NELL1: variants seen among roughly 807,000 people sequenced by gnomAD.
NELL1 encodes protein kinase C-binding protein NELL1.
A neutral mutation model predicts 107.4 loss-of-function variants in NELL1; 76 were observed. That is an observed-to-expected ratio of 0.71 (90% CI 0.59 to 0.86). The LOEUF (loss-of-function observed/expected upper bound fraction) is 0.86. Among genes scored for constraint, NELL1 ranks in the 40% least tolerant of loss-of-function variants. NELL1 has a pLI of 0.00. For synonymous variants in NELL1, 353 were observed against 341.2 expected (o/e 1.03, Z -0.38); for missense variants, 1,024 against 1,005.5 (o/e 1.02, Z -0.25).
chr11:21,320,521 T>C (rs12576157), intron 14 of NELL1, among the ~76,000 whole-genome samples: 43,559 of 152,122 alleles, frequency 0.29, 7,302 homozygotes, highest in Non-Finnish European at 0.38. Context: ...CTTTCTTATA[T>C]GTTATCTTGT....
intron 13 of NELL1, among the ~76,000 whole-genome samples, chr11:21,125,650 G>A (rs1212044993): frequency 1.3e-5 from 2 of 152,164 alleles, no homozygotes; most frequent in Non-Finnish European, 2.9e-5. Flanking sequence ...GGTACTGGGA[G>A]AAAGGACATT....
At chr11:21,509,761 T>C (rs1590991318) in intron 15 of NELL1, among the ~76,000 whole-genome samples, 1 of 148,164 alleles carries the variant, frequency 6.7e-6, no homozygotes, top group Non-Finnish European at 1.5e-5. Flanking sequence ...TTAGTAATTA[T>C]TTATCTATTT....
intron 13 of NELL1, among the ~76,000 whole-genome samples, chr11:21,148,152 G>A (rs1348478452): frequency 6.6e-6 from 1 of 152,162 alleles, no homozygotes; most frequent in African/African-American, 2.4e-5. Flanking sequence ...CTGAAATACT[G>A]TTGTAAAGGG....
rs113508739 is a variant in NELL1, at chr11:21,251,476, T to C, written c.1549+22022T>C. Among the ~76,000 whole-genome samples the C allele has an allele frequency of 1.1e-3, 162 of 152,140 alleles. 2 individuals carry two copies. Among genetic ancestry groups the C allele is most frequent in the African/African-American group, 3.8e-3 (159 of 41,516 alleles). ...ACTAGCCTAACCCTCCTTAGTCAAA[T>C]ATAATCACATGAAGTTAGAGACAAT... On this transcript the variant is annotated intron_variant, in intron 14 of 19. Coordinates refer to ENST00000357134, the MANE Select transcript of NELL1 (RefSeq NM_006157.5).
At chr11:21,249,384 T>C (rs1858579221) in intron 14 of NELL1, among the ~76,000 whole-genome samples, 1 of 152,160 alleles carries the variant, frequency 6.6e-6, no homozygotes, top group African/African-American at 2.4e-5. Flanking sequence ...AGATATATTC[T>C]TGAAAGAAGG....
chr11:21,373,333 T>C (rs1034491012), intron 15 of NELL1, among the ~76,000 whole-genome samples: 4 of 152,124 alleles, frequency 2.6e-5, no homozygotes, highest in African/African-American at 9.6e-5. Context: ...ATTAAATAAG[T>C]CTATTTGCCT....
intron 3 of NELL1, among the ~76,000 whole-genome samples, chr11:20,815,454 GTCT>G (rs2134018250): frequency 6.6e-6 from 1 of 152,266 alleles, no homozygotes; most frequent in Non-Finnish European, 1.5e-5. Context: ...CCACTCGCAT[GTCT>G]TCTTTTAAGA....
At chr11:21,304,465 G>T (rs1273061982) in intron 14 of NELL1, among the ~76,000 whole-genome samples, 1 of 151,994 alleles carries the variant, frequency 6.6e-6, no homozygotes, top group African/African-American at 2.4e-5. Flanking sequence ...GGAAAGGATT[G>T]CAGTGGGAAA....
At chr11:20,998,901 C>A (rs999006359) in intron 12 of NELL1, among the ~76,000 whole-genome samples, 1 of 152,156 alleles carries the variant, frequency 6.6e-6, no homozygotes, top group East Asian at 1.9e-4. Flanking sequence ...TAAACTCAGC[C>A]TTTCTTAAAA....
intron 14 of NELL1, among the ~76,000 whole-genome samples, chr11:21,327,464 C>A (rs1184662604): frequency 6.6e-6 from 1 of 152,074 alleles, no homozygotes; most frequent in Non-Finnish European, 1.5e-5. Flanking sequence ...TGTAAGTTTC[C>A]TGAGGCCTCC....
intron 12 of NELL1, among the ~76,000 whole-genome samples, chr11:21,068,216 C>T (rs1480145193): frequency 2.0e-5 from 3 of 151,810 alleles, no homozygotes; most frequent in Non-Finnish European, 2.9e-5. Context: ...AGAAGGGGCC[C>T]TATTGATATA....
chr11:21,166,845 G>C (rs1359186314), intron 13 of NELL1, among the ~76,000 whole-genome samples: 1 of 151,822 alleles, frequency 6.6e-6, no homozygotes, highest in Non-Finnish European at 1.5e-5. Flanking sequence ...TAAAAACATG[G>C]CCTTTTGTTA....
Position 21,573,387 on chromosome 11 carries a change from C to A in NELL1, c.2360C>A (p.Pro787His), listed in dbSNP as rs1367953807. The change falls in exon 19 of 20, where the codon CCC (proline) becomes CAC (histidine). Residue 787 changes from proline (P) to histidine (H), a missense_variant. Coordinates refer to ENST00000357134, the MANE Select transcript of NELL1 (RefSeq NM_006157.5). Reference sequence around the variant, plus strand: ...TCAGTGTGGACGATGGCTGGATCTCCCTGCACAACCTGTAAATGCAAGGTA... The same window carrying A: ...TCAGTGTGGACGATGGCTGGATCTCACTGCACAACCTGTAAATGCAAGGTA... ...SGSVWTMAGS[P>H]CTTCKCKNGR... is the part of the protein sequence containing the mutation. 1.2e-6 allele frequency: 2 copies of A among 1,611,842 alleles called. No homozygotes were observed. Among genetic ancestry groups the A allele is most frequent in the Non-Finnish European group, 1.7e-6 (2 of 1,178,758 alleles).
intron 12 of NELL1, among the ~76,000 whole-genome samples, chr11:20,986,964 C>T (rs1278815118): frequency 6.6e-6 from 1 of 152,056 alleles, no homozygotes; most frequent in Non-Finnish European, 1.5e-5. Context: ...TATTATTTAA[C>T]TGGGTTGAAG....
chr11:21,456,155 A>C (rs1311232747), intron 15 of NELL1, among the ~76,000 whole-genome samples: 1 of 151,968 alleles, frequency 6.6e-6, no homozygotes, highest in Non-Finnish European at 1.5e-5. Context: ...AGCCTCCCAA[A>C]GTGCTGGGAT....
At chr11:20,674,429 G>A (rs1853998900) in intron 1 of NELL1, 16 of 1,316,808 alleles carry the variant, frequency 1.2e-5, no homozygotes, top group Non-Finnish European at 1.7e-5. Flanking sequence ...CATGAGTCTG[G>A]TGTAACAGGT....
chr11:20,847,916 C>T (rs566288334), intron 4 of NELL1, among the ~76,000 whole-genome samples, 163 bp downstream of exon 4: 13 of 152,258 alleles, frequency 8.5e-5, no homozygotes, highest in African/African-American at 2.9e-4. Context: ...GCTGAAATGA[C>T]CAACTGTAAT....
chr11:20,755,865 G>GTTTTTTTTTTTT (rs574606148), intron 2 of NELL1, among the ~76,000 whole-genome samples: 8 of 122,076 alleles, frequency 6.6e-5, no homozygotes, highest in Non-Finnish European at 8.4e-5. Flanking sequence ...CAGACCTGCG[G>GTTTTTTTTTTTT]TTTTTTTTTT....
intron 13 of NELL1, among the ~76,000 whole-genome samples, chr11:21,141,737 T>TTTTTTTTA (rs1855872900): frequency 1.4e-5 from 2 of 147,650 alleles, no homozygotes; most frequent in South Asian, 2.2e-4. Flanking sequence ...CCTCTATCCT[T>TTTTTTTTA]TTTATTTATT....
Sources: gnomAD v4.1 joint callset for allele counts (sites outside exome capture counted in the v4.1 genomes callset) on GRCh38, gnomAD v4.1.1 for gene constraint, MANE v1.5 for transcripts, NCBI Gene and HGNC (gene_info 2026-07-23, HGNC 2026-07-21) for gene names.